CTNNA2: variants seen among roughly 807,000 people sequenced by gnomAD.
CTNNA2 encodes catenin alpha 2.
CTNNA2 carries 42 observed loss-of-function variants against 101.0 expected under a neutral mutation model. That is an observed-to-expected ratio of 0.42 (90% CI 0.32 to 0.54). The LOEUF (loss-of-function observed/expected upper bound fraction) is 0.54. CTNNA2 is among the 20% of genes least tolerant of loss of function. The pLI is 0.14. For synonymous variants in CTNNA2, 450 were observed against 456.4 expected (o/e 0.99, Z 0.18); for missense variants, 871 against 1,223.1 (o/e 0.71, Z 4.29).
At chr2:79,267,785 G>T (rs1277170207) in intron 2 of CTNNA2, among the ~76,000 whole-genome samples, 2 of 152,130 alleles carry the variant, frequency 1.3e-5, no homozygotes, top group African/African-American at 2.4e-5. Context: ...ATGGGGAATT[G>T]TCTTGTGACT....
At chr2:80,362,495 CTT>C (rs1437431129) in intron 7 of CTNNA2, among the ~76,000 whole-genome samples, 2 of 152,116 alleles carry the variant, frequency 1.3e-5, no homozygotes, top group East Asian at 3.9e-4. Context: ...TAATAACACT[CTT>C]AATTATTTCA....
chr2:79,595,032 A>T (rs1236716453), intron 1 of CTNNA2, among the ~76,000 whole-genome samples: 1 of 152,042 alleles, frequency 6.6e-6, no homozygotes, highest in East Asian at 1.9e-4. Flanking sequence ...TTGATCAAGG[A>T]ACCTAATGAT....
At chr2:80,596,169 A>G (rs946768640) in intron 15 of CTNNA2, among the ~76,000 whole-genome samples, 7 of 142,984 alleles carry the variant, frequency 4.9e-5, no homozygotes, top group Non-Finnish European at 8.9e-5. Context: ...CTGCTTGTCT[A>G]TTGTTGATGT....
chr2:80,179,960 C>T (rs897943303), intron 7 of CTNNA2, among the ~76,000 whole-genome samples: 6 of 152,114 alleles, frequency 3.9e-5, no homozygotes, highest in African/African-American at 1.4e-4. Flanking sequence ...GTAAGTTGGA[C>T]CTGAGCTAAA....
intron 2 of CTNNA2, among the ~76,000 whole-genome samples, chr2:79,207,340 C>A (rs994862958): frequency 6.6e-6 from 1 of 152,052 alleles, no homozygotes; most frequent in Non-Finnish European, 1.5e-5. Flanking sequence ...CAGTAGGAGA[C>A]CACCACCTCT....
At chr2:80,141,855 ATTTTT>A (rs34748982) in intron 7 of CTNNA2, among the ~76,000 whole-genome samples, 1 of 143,484 alleles carries the variant, frequency 7.0e-6, no homozygotes, top group Non-Finnish European at 1.5e-5. Flanking sequence ...TAAAGATAGC[ATTTTT>A]TTTTTTTTTT....
chr2:80,032,928 G>A lies in CTNNA2; in HGVS notation c.1056+123131G>A, dbSNP rs555887500. ...ATCACTTTGGGAGGCTGAGACAGGC[G>A]GATCACGAGGTCAAGAGGTCGAGAC... On this transcript the variant is annotated intron_variant, in intron 7 of 18. Transcript: ENST00000402739. Among the ~76,000 whole-genome samples the A allele has an allele frequency of 5.3e-4, 81 of 151,936 alleles. 1 individual carries two copies. Among genetic ancestry groups the A allele is most frequent in the Middle Eastern group, 3.4e-3 (1 of 294 alleles).
At chr2:79,468,029 T>C (rs1670958184) in intron 4 of CTNNA2, among the ~76,000 whole-genome samples, 1 of 152,026 alleles carries the variant, frequency 6.6e-6, no homozygotes, top group Non-Finnish European at 1.5e-5. Flanking sequence ...CACATAACAA[T>C]ATTAACCTTA....
chr2:79,668,700 A>T (rs79865636), intron 2 of CTNNA2, among the ~76,000 whole-genome samples: 2,042 of 152,348 alleles, frequency 0.013, 39 homozygotes, highest in African/African-American at 0.047. Context: ...TGTTAAAAAT[A>T]ACACAGTGTC....
chr2:79,699,788 TACACACACAC>T (rs377095429), intron 2 of CTNNA2, among the ~76,000 whole-genome samples: 1,981 of 119,980 alleles, frequency 0.017, 49 homozygotes, highest in East Asian at 0.046. Flanking sequence ...AAGAAAAAAA[TACACACACAC>T]ACACACACAC....
chr2:79,901,469 A>G (rs1195449860), intron 6 of CTNNA2, among the ~76,000 whole-genome samples: 2 of 152,168 alleles, frequency 1.3e-5, no homozygotes, highest in East Asian at 3.9e-4. Context: ...ACAGAATCAC[A>G]GGACTTTTTC....
chr2:79,353,292 A>C (rs1478667657), intron 3 of CTNNA2, among the ~76,000 whole-genome samples: 1 of 152,200 alleles, frequency 6.6e-6, no homozygotes, highest in Non-Finnish European at 1.5e-5. Flanking sequence ...ATGTGATGGT[A>C]TGATTTTGAG....
At chr2:80,248,279 T>G (rs1184042156) in intron 7 of CTNNA2, among the ~76,000 whole-genome samples, 2 of 152,162 alleles carry the variant, frequency 1.3e-5, no homozygotes, top group East Asian at 3.9e-4. Flanking sequence ...TAGTCTGAAG[T>G]GCGGTCCCTC....
chr2:79,259,912 A>G (rs1674898162), intron 2 of CTNNA2, among the ~76,000 whole-genome samples: 1 of 152,212 alleles, frequency 6.6e-6, no homozygotes, highest in Non-Finnish European at 1.5e-5. Context: ...TTATTTGGTC[A>G]GTTTGGGTGC....
chr2:80,371,466 A>C (rs1675432125), intron 7 of CTNNA2, among the ~76,000 whole-genome samples: 1 of 152,112 alleles, frequency 6.6e-6, no homozygotes, highest in African/African-American at 2.4e-5. Context: ...TTAGGATGAC[A>C]GGAACCATGG....
intron 3 of CTNNA2, among the ~76,000 whole-genome samples, chr2:79,755,371 C>A (rs1418468622): frequency 6.6e-6 from 1 of 152,106 alleles, no homozygotes; most frequent in African/African-American, 2.4e-5. Context: ...GTGCTAGATC[C>A]AGCAAGGGCA....
At chr2:79,792,536 C>T (rs1675364273) in intron 3 of CTNNA2, among the ~76,000 whole-genome samples, 1 of 152,110 alleles carries the variant, frequency 6.6e-6, no homozygotes, top group South Asian at 2.1e-4. Flanking sequence ...TGTGTTCTTA[C>T]AAGTTCTTTC....
chr2:79,618,998 T>C (rs1232331119), intron 1 of CTNNA2, among the ~76,000 whole-genome samples: 2 of 152,078 alleles, frequency 1.3e-5, no homozygotes, highest in African/African-American at 4.8e-5. Context: ...TTGAGGTCAG[T>C]AGTTCTAGAC....
intron 9 of CTNNA2, among the ~76,000 whole-genome samples, chr2:80,522,269 AAG>A (rs1274876401): frequency 4.6e-5 from 7 of 152,164 alleles, no homozygotes; most frequent in African/African-American, 1.4e-4. Context: ...GGATCCTCAA[AAG>A]AGAGTCTTAA....
Sources: allele counts gnomAD v4.1 joint callset (sites outside exome capture counted in the v4.1 genomes callset), GRCh38; gene constraint gnomAD v4.1.1; transcripts MANE v1.5; gene names NCBI Gene and HGNC (gene_info 2026-07-23, HGNC 2026-07-21).